RGS8: variants seen among roughly 807,000 people sequenced by gnomAD.
RGS8 encodes the protein regulator of G protein signaling 8, also known as regulator of G-protein signaling 8.
Under a neutral mutation model 21.7 loss-of-function variants are expected in RGS8, and 8 were observed. The ratio of observed to expected loss-of-function variants is 0.37; its 90% confidence interval spans 0.22 to 0.66. The LOEUF is 0.66. RGS8 is among the 30% of genes least tolerant of loss of function. The pLI is 0.59. For synonymous variants in RGS8, 80 were observed against 83.6 expected, an observed-to-expected ratio of 0.96 and a Z score of 0.24; for missense variants, 157 against 217.9, an observed-to-expected ratio of 0.72 and a Z score of 1.76.
the RGS8 span, among the ~76,000 whole-genome samples, chr1:182,719,686 C>T: frequency 1.3e-5 from 2 of 151,506 alleles, no homozygotes; most frequent in East Asian, 3.9e-4. Context: ...GCCTTGGCCT[C>T]CCAAAGTGCT....
chr1:182,642,075 G>A (rs967805872), downstream of RGS8: 1 of 152,236 alleles, frequency 6.6e-6, no homozygotes, highest in African/African-American at 2.4e-5. Context: ...GACCAGAAGG[G>A]AGTAAGAATC....
upstream of RGS8, among the ~76,000 whole-genome samples, chr1:182,689,264 G>GACACACACGCACACACACAGAC (rs1664770853): frequency 1.6e-5 from 2 of 125,698 alleles, no homozygotes; most frequent in African/African-American, 5.5e-5. Context: ...CACACACACA[G>GACACACACGCACACACACAGAC]ACACACACAC....
At chr1:182,681,623 C>G (rs1664537513) in intron 1 of RGS8, among the ~76,000 whole-genome samples, 1 of 152,212 alleles carries the variant, frequency 6.6e-6, no homozygotes. Flanking sequence ...GGGGACAGTT[C>G]TCCCACTGGT....
chr1:182,681,126 C>T (rs185183268), intron 1 of RGS8, among the ~76,000 whole-genome samples: 3 of 152,090 alleles, frequency 2.0e-5, no homozygotes, highest in South Asian at 2.1e-4. Context: ...CATCAGAGTC[C>T]GAGAAGGCAG....
intron 6 of RGS8, 94 bp downstream of exon 7, chr1:182,648,043 A>G (rs762926194): frequency 1.1e-5 from 13 of 1,158,500 alleles, no homozygotes; most frequent in Non-Finnish European, 1.5e-5. Flanking sequence ...TAGTATAAGA[A>G]AGTCCTCATC....
At chr1:182,706,454 G>A in the RGS8 span, among the ~76,000 whole-genome samples, 2 of 152,054 alleles carry the variant, frequency 1.3e-5, no homozygotes, top group African/African-American at 4.8e-5. Context: ...CCTCATCCAT[G>A]GGCTAACTCA....
intron 1 of RGS8, among the ~76,000 whole-genome samples, chr1:182,681,865 AC>A (rs1287254939): frequency 1.3e-5 from 2 of 152,148 alleles, no homozygotes; most frequent in African/African-American, 4.8e-5. Context: ...CTTTTCTGAG[AC>A]CCTCTTCCTT....
chr1:182,704,054 A>G, the RGS8 span, among the ~76,000 whole-genome samples: 1 of 152,236 alleles, frequency 6.6e-6, no homozygotes, highest in Non-Finnish European at 1.5e-5. Context: ...AGATTTCACT[A>G]TAGCTTTAAC....
chr1:182,720,913 G>GTA, the RGS8 span, among the ~76,000 whole-genome samples: 7,793 of 95,928 alleles, frequency 0.081, 1,007 homozygotes, highest in African/African-American at 0.17. Context: ...ATATGTGTGT[G>GTA]TATATACATA....
chr1:182,713,075 A>G, the RGS8 span, among the ~76,000 whole-genome samples: 1 of 152,360 alleles, frequency 6.6e-6, no homozygotes, highest in Non-Finnish European at 1.5e-5. Flanking sequence ...AAATTGAGCC[A>G]TGGCGACCAA....
the RGS8 span, among the ~76,000 whole-genome samples, chr1:182,740,540 GTTTGTTTGTT>G: frequency 7.5e-5 from 4 of 53,178 alleles, no homozygotes; most frequent in African/African-American, 2.3e-4. Context: ...TGTTTTTTTT[GTTTGTTTGTT>G]TTTTTTTTTT....
chr1:182,648,643 G>A (rs988740234), intron 5 of RGS8, among the ~76,000 whole-genome samples: 4 of 152,182 alleles, frequency 2.6e-5, no homozygotes, highest in Non-Finnish European at 5.9e-5. Flanking sequence ...AGGGAGGCAG[G>A]AGAATCGCTT....
chr1:182,652,301 T>G (rs1663058316), intron 5 of RGS8, among the ~76,000 whole-genome samples: 1 of 152,220 alleles, frequency 6.6e-6, no homozygotes. Flanking sequence ...TCATGGTACT[T>G]GTAAAGATAG....
the RGS8 span, among the ~76,000 whole-genome samples, chr1:182,730,726 A>G: frequency 9.2e-5 from 14 of 151,790 alleles, no homozygotes; most frequent in Non-Finnish European, 1.5e-4. Context: ...AAAAAAAAAA[A>G]ATTTAGAGTC....
chr1:182,746,255 T>C, the RGS8 span, among the ~76,000 whole-genome samples: 1 of 152,236 alleles, frequency 6.6e-6, no homozygotes, highest in Non-Finnish European at 1.5e-5. Context: ...GGCATTTAAC[T>C]AAGAACTTTT....
the RGS8 span, among the ~76,000 whole-genome samples, chr1:182,744,647 T>C: frequency 2.6e-4 from 39 of 152,384 alleles, no homozygotes; most frequent in Non-Finnish European, 4.3e-4. Context: ...TTGCCTTCGT[T>C]ATTCAGTACA....
At chr1:182,643,745 G>C (rs1662581049), downstream of RGS8, 1 of 152,234 alleles carries the variant, frequency 6.6e-6, no homozygotes, top group Non-Finnish European at 1.5e-5. Context: ...CCTCACCCCA[G>C]AGGTGCCCAA....
At chr1:182,702,274 T>C in the RGS8 span, among the ~76,000 whole-genome samples, 4 of 152,126 alleles carry the variant, frequency 2.6e-5, no homozygotes, top group East Asian at 7.7e-4. Context: ...TGGATGCAGG[T>C]GGAGGCCATA....
At chr1:182,694,672 G>A in the RGS8 span, among the ~76,000 whole-genome samples, 1 of 151,980 alleles carries the variant, frequency 6.6e-6, no homozygotes, top group Non-Finnish European at 1.5e-5. Flanking sequence ...GCCAGATGTG[G>A]TGGCACACAC....
Sources: gnomAD v4.1 joint callset for allele counts (sites outside exome capture counted in the v4.1 genomes callset) on GRCh38, gnomAD v4.1.1 for gene constraint, MANE v1.5 for transcripts, NCBI Gene and HGNC (gene_info 2026-07-23, HGNC 2026-07-21) for gene names.